PXDNL: variants seen among roughly 807,000 people sequenced by gnomAD.
PXDNL encodes the protein probable oxidoreductase PXDNL.
PXDNL carries 145 observed loss-of-function variants against 150.8 expected under a neutral mutation model. The ratio of observed to expected loss-of-function variants is 0.96; its 90% CI spans 0.84 to 1.10. The LOEUF (loss-of-function observed/expected upper bound fraction) is 1.10. Among genes scored for constraint, PXDNL ranks in the 50% least tolerant of loss-of-function variants. PXDNL has a pLI of 0.00. For missense variants in PXDNL, 2,087 were observed against 1,873.9 expected, an observed-to-expected ratio of 1.11 and a Z score of -2.10; for synonymous variants, 757 against 725.7, an observed-to-expected ratio of 1.04 and a Z score of -0.69.
chr8:51,806,884 A>ACAC (rs2037681489), intron 1 of PXDNL, among the ~76,000 whole-genome samples: 1 of 152,144 alleles, frequency 6.6e-6, no homozygotes, highest in South Asian at 2.1e-4. Flanking sequence ...GCTATTCATC[A>ACAC]CACAGTAGTC....
chr8:51,411,806 G>A (rs1011311136), intron 15 of PXDNL, among the ~76,000 whole-genome samples: 2 of 152,056 alleles, frequency 1.3e-5, no homozygotes, highest in African/African-American at 4.8e-5. Context: ...TTCCCTGAGT[G>A]TAATCTCCTA....
Position 51,408,239 on chromosome 8 carries a change from C to A in PXDNL, c.3385G>T (p.Ala1129Ser), listed in dbSNP as rs148571691. ...GAATCCACGGCCGCAGAATAAGCCG[C>A]GGAGAAGAGCCTCTGGGTCAGCTCA... ...SPELTQRLFS[A>S]AYSAAVDSAA... Residue 1129 changes from alanine (A) to serine (S), a missense_variant, in exon 17 of 23, where the codon GCG becomes TCG. Physicochemically the swap from Ala to Ser is moderately conservative, Grantham distance 99 (BLOSUM62 1). Coordinates refer to ENST00000356297, the MANE Select transcript of PXDNL (RefSeq NM_144651.5). 1.9e-6 allele frequency: 3 copies of A among 1,613,864 alleles called. No individual in the cohort carries two copies. The African/African-American group carries it at 4.0e-5, about 22-fold the overall frequency.
At chr8:51,354,834 G>A (rs1028892657) in intron 19 of PXDNL, among the ~76,000 whole-genome samples, 2 of 151,912 alleles carry the variant, frequency 1.3e-5, no homozygotes, top group South Asian at 4.1e-4. Flanking sequence ...ACTTATGAGA[G>A]GGTTATTTTC....
At chr8:51,486,765 TATATATATATATATATATATATATA>T (rs1810749977) in intron 5 of PXDNL, among the ~76,000 whole-genome samples, 2 of 10,672 alleles carry the variant, frequency 1.9e-4, no homozygotes, top group African/African-American at 3.0e-4. Context: ...TATATATATA[TATATATATATATATATATATATATA>T]TATATTTTTT....
At chr8:51,369,138 G>C (rs182122197) in intron 19 of PXDNL, among the ~76,000 whole-genome samples, 3 of 152,256 alleles carry the variant, frequency 2.0e-5, no homozygotes, top group Admixed American at 2.0e-4. Context: ...AGTGTACTGA[G>C]TAGTGACATA....
intron 17 of PXDNL, among the ~76,000 whole-genome samples, chr8:51,404,534 C>T (rs1808378947): frequency 6.6e-6 from 1 of 151,408 alleles, no homozygotes; most frequent in Non-Finnish European, 1.5e-5. Context: ...GGTGTGTTTA[C>T]AATCCCATAG....
intron 1 of PXDNL, among the ~76,000 whole-genome samples, chr8:51,777,653 A>G (rs907979371): frequency 6.6e-5 from 10 of 152,232 alleles, no homozygotes; most frequent in African/African-American, 2.4e-4. Context: ...CTGTAATCCC[A>G]GCACTTTGGG....
intron 5 of PXDNL, among the ~76,000 whole-genome samples, chr8:51,488,563 G>T (rs868707830): frequency 2.6e-5 from 4 of 152,146 alleles, no homozygotes; most frequent in African/African-American, 4.8e-5. Context: ...AAAAGTAACG[G>T]AATTTTTGTG....
chr8:51,423,353 G>A (rs1367705113), intron 14 of PXDNL, among the ~76,000 whole-genome samples: 1 of 151,918 alleles, frequency 6.6e-6, no homozygotes, highest in Non-Finnish European at 1.5e-5. Context: ...TGCTATTTAT[G>A]TTCTTTTTTT....
intron 2 of PXDNL, among the ~76,000 whole-genome samples, chr8:51,618,762 C>A (rs1385430492): frequency 6.6e-6 from 1 of 152,174 alleles, no homozygotes; most frequent in Non-Finnish European, 1.5e-5. Context: ...CCAGGTCCAC[C>A]CTCCTAGCCT....
At chr8:51,360,428 G>A (rs568694045) in intron 19 of PXDNL, among the ~76,000 whole-genome samples, 53 of 152,068 alleles carry the variant, frequency 3.5e-4, no homozygotes, top group Middle Eastern at 6.8e-3. Context: ...TGTATCATAC[G>A]TGCACATAGC....
At chr8:51,473,274 A>AACACACACACAC (rs1164131411) in intron 7 of PXDNL, among the ~76,000 whole-genome samples, 9,516 of 133,866 alleles carry the variant, frequency 0.071, 470 homozygotes, top group East Asian at 0.23. Flanking sequence ...GTAGAAAATA[A>AACACACACACAC]ACACACACAC....
chr8:51,555,723 C>T (rs1243954373), intron 4 of PXDNL, among the ~76,000 whole-genome samples: 1 of 152,046 alleles, frequency 6.6e-6, no homozygotes, highest in African/African-American at 2.4e-5. Context: ...CAGAACTATC[C>T]CATAGGTTGT....
Position 51,408,910 on chromosome 8 carries a change from C to T in PXDNL, c.2714G>A (p.Arg905Gln), listed in dbSNP as rs201163014. The change falls in exon 17 of 23, where the codon CGG (arginine) becomes CAG (glutamine). Residue 905 changes from arginine (R) to glutamine (Q), a missense_variant. Physicochemically the swap from Arg to Gln is conservative, Grantham distance 43. Transcript: ENST00000356297. The part of the protein sequence containing the change: ...DGSNVYGSSE[R>Q]ESQALRDPSV... ...AGGGTCTCTGAGAGCCTGGGATTCCCGCTCCGAGCTCCCGTAAACGTTGGA... is the reference window on the plus strand; with the variant it reads ...AGGGTCTCTGAGAGCCTGGGATTCCTGCTCCGAGCTCCCGTAAACGTTGGA... 303 of 1,609,488 alleles carry T rather than the reference C, an allele frequency of 1.9e-4. 1 individual carries two copies. In the African/African-American group the frequency reaches 3.3e-3, roughly 17 times the overall value.
At chr8:51,506,625 T>C (rs1811299673) in intron 4 of PXDNL, among the ~76,000 whole-genome samples, 1 of 151,528 alleles carries the variant, frequency 6.6e-6, no homozygotes, top group African/African-American at 2.4e-5. Flanking sequence ...TGATTGAGAG[T>C]TATGAAAAAT....
At chr8:51,462,751 C>T (rs1245045912) in intron 8 of PXDNL, among the ~76,000 whole-genome samples, 1 of 152,066 alleles carries the variant, frequency 6.6e-6, no homozygotes, top group African/African-American at 2.4e-5. Flanking sequence ...ACAAAAATTT[C>T]CCCAATATTG....
intron 9 of PXDNL, 130 bp from the exon 10 acceptor site, chr8:51,453,915 A>G (rs1809868794): frequency 2.6e-6 from 2 of 766,696 alleles, no homozygotes; most frequent in Non-Finnish European, 4.0e-6. Flanking sequence ...ACACATATAT[A>G]TATATACACA....
At chr8:51,397,925 GC>G (rs1225630631) in intron 17 of PXDNL, among the ~76,000 whole-genome samples, 2 of 151,586 alleles carry the variant, frequency 1.3e-5, no homozygotes, top group African/African-American at 4.9e-5. Flanking sequence ...CCCACAACAG[GC>G]CCCGGTGTGA....
At chr8:51,672,312 C>A (rs1815513208) in intron 1 of PXDNL, among the ~76,000 whole-genome samples, 3 of 152,180 alleles carry the variant, frequency 2.0e-5, no homozygotes, top group African/African-American at 7.2e-5. Context: ...GTCTTGGAAA[C>A]TGACTAATGC....
Sources: allele counts gnomAD v4.1 joint callset (sites outside exome capture counted in the v4.1 genomes callset), GRCh38; gene constraint gnomAD v4.1.1; transcripts MANE v1.5; gene names NCBI Gene and HGNC (gene_info 2026-07-23, HGNC 2026-07-21).